The following SLC4A10 variants were observed in gnomAD, a reference collection of about 807,000 sequenced individuals.
SLC4A10 encodes solute carrier family 4 member 10.
SLC4A10 carries 42 observed loss-of-function variants against 137.7 expected under a neutral mutation model. The ratio of observed to expected loss-of-function variants is 0.30; its 90% CI spans 0.24 to 0.39. The LOEUF (loss-of-function observed/expected upper bound fraction) is 0.39, where lower values mean the gene tolerates loss of function less well. Among genes scored for constraint, SLC4A10 ranks in the 10% least tolerant of loss-of-function variants. The pLI, the probability that SLC4A10 is intolerant of heterozygous loss-of-function variation, is 1.00. For missense variants in SLC4A10, 925 were observed against 1,355.0 expected, an observed-to-expected ratio of 0.68 and a Z score of 4.98; for synonymous variants, 474 against 464.1, an observed-to-expected ratio of 1.02 and a Z score of -0.27.
chr2:161,847,286 T>G (rs1013321255), intron 4 of SLC4A10, among the ~76,000 whole-genome samples: 1 of 147,914 alleles, frequency 6.8e-6, no homozygotes, highest in African/African-American at 2.5e-5. Context: ...CACACACACA[T>G]ACACACACAC....
At position 161,624,583 on chromosome 2, in the gene SLC4A10, T is replaced by G; in HGVS notation, c.48+17T>G. 1.3e-6 allele frequency: 2 copies of G among 1,552,138 alleles called. No individual in the cohort carries two copies. Among genetic ancestry groups the G allele is most frequent in the Non-Finnish European group, 1.7e-6 (2 of 1,147,234 alleles). On this transcript the variant is annotated intron_variant, in intron 1 of 26. Coordinates refer to ENST00000446997, the MANE Select transcript of SLC4A10 (RefSeq NM_001178015.2). ...CTGCCTACGGTAAGAGACAACCTGCTATCACATAGATTAACCGCGTTTGCT... is the reference window on the plus strand; with the variant it reads ...CTGCCTACGGTAAGAGACAACCTGCGATCACATAGATTAACCGCGTTTGCT...
At chr2:161,741,840 C>G (rs951635972) in intron 1 of SLC4A10, among the ~76,000 whole-genome samples, 3 of 152,172 alleles carry the variant, frequency 2.0e-5, no homozygotes, top group Non-Finnish European at 2.9e-5. Flanking sequence ...ATTGTACTCT[C>G]TCATTATTCT....
intron 1 of SLC4A10, among the ~76,000 whole-genome samples, chr2:161,752,209 T>G (rs2049057821): frequency 6.6e-6 from 1 of 152,000 alleles, no homozygotes; most frequent in African/African-American, 2.4e-5. Flanking sequence ...TACATGTACC[T>G]TCCATAATTT....
At chr2:161,817,392 A>G (rs970613883) in intron 3 of SLC4A10, among the ~76,000 whole-genome samples, 1 of 152,092 alleles carries the variant, frequency 6.6e-6, no homozygotes, top group African/African-American at 2.4e-5. Context: ...TCTTTGTCAG[A>G]TGAGTAGGTT....
At chr2:161,637,083 A>T (rs2034527457) in intron 1 of SLC4A10, among the ~76,000 whole-genome samples, 1 of 125,156 alleles carries the variant, frequency 8.0e-6, no homozygotes, top group East Asian at 2.6e-4. Context: ...ATAAATACGT[A>T]TATACATATA....
chr2:161,704,254 T>C (rs1574460393), intron 1 of SLC4A10, among the ~76,000 whole-genome samples: 1 of 151,686 alleles, frequency 6.6e-6, no homozygotes, highest in East Asian at 1.9e-4. Context: ...TCAAAAACGG[T>C]CTGTACTAGC....
intron 1 of SLC4A10, among the ~76,000 whole-genome samples, chr2:161,736,240 G>A (rs1205129810): frequency 6.6e-6 from 1 of 152,014 alleles, no homozygotes; most frequent in Non-Finnish European, 1.5e-5. Flanking sequence ...CATGAAACAA[G>A]ATAAAAAATC....
intron 4 of SLC4A10, among the ~76,000 whole-genome samples, chr2:161,850,872 A>G (rs892804297): frequency 1.3e-5 from 2 of 151,966 alleles, no homozygotes; most frequent in Non-Finnish European, 2.9e-5. Flanking sequence ...TCCTCTCAAC[A>G]CTGCTTTTGC....
At chr2:161,914,479 C>A (rs1220265695) in intron 15 of SLC4A10, among the ~76,000 whole-genome samples, 1 of 152,120 alleles carries the variant, frequency 6.6e-6, no homozygotes, top group African/African-American at 2.4e-5. Flanking sequence ...ACAGGCCAGT[C>A]CTTCTGCTTC....
At chr2:161,713,363 A>C (rs1284212875) in intron 1 of SLC4A10, among the ~76,000 whole-genome samples, 1 of 151,886 alleles carries the variant, frequency 6.6e-6, no homozygotes, top group Non-Finnish European at 1.5e-5. Flanking sequence ...TTTGAGAATG[A>C]AAATTAAATT....
At chr2:161,855,201 T>C in intron 5 of SLC4A10, 71 bp downstream of exon 5, 1 of 1,418,868 alleles carries the variant, frequency 7.0e-7, no homozygotes, top group South Asian at 1.5e-5. Flanking sequence ...TCCTTATAAT[T>C]CAATATACGT....
chr2:161,909,199 T>C (rs941905491), intron 15 of SLC4A10, among the ~76,000 whole-genome samples: 1 of 151,870 alleles, frequency 6.6e-6, no homozygotes, highest in African/African-American at 2.4e-5. Flanking sequence ...AACCTGCACA[T>C]TGTGTACATG....
intron 8 of SLC4A10, among the ~76,000 whole-genome samples, chr2:161,875,129 T>A (rs746209441): frequency 6.6e-6 from 1 of 152,142 alleles, no homozygotes; most frequent in Non-Finnish European, 1.5e-5. Flanking sequence ...AAAGACTAAG[T>A]AAGATTTTTT....
chr2:161,901,111 T>G (rs1391632317), intron 12 of SLC4A10, 100 bp downstream of exon 12: 2 of 844,410 alleles, frequency 2.4e-6, no homozygotes, highest in Admixed American at 4.2e-5. Context: ...TTGTATACTT[T>G]TAATACCTGC....
intron 20 of SLC4A10, 38 bp from the exon 21 acceptor site, chr2:161,958,449 A>T: frequency 6.4e-7 from 1 of 1,560,410 alleles, no homozygotes; most frequent in South Asian, 1.1e-5. Flanking sequence ...ATCTATTTGA[A>T]AATGATTTCT....
chr2:161,811,764 G>C (rs774353446), intron 3 of SLC4A10, among the ~76,000 whole-genome samples: 2 of 151,626 alleles, frequency 1.3e-5, no homozygotes, highest in Non-Finnish European at 2.9e-5. Context: ...CCTATTAAAC[G>C]GTTAAAACTG....
intron 1 of SLC4A10, among the ~76,000 whole-genome samples, chr2:161,718,085 T>C (rs2045155284): frequency 6.6e-6 from 1 of 152,220 alleles, no homozygotes; most frequent in African/African-American, 2.4e-5. Flanking sequence ...TTTTCTAGTT[T>C]GTTTGCATAG....
At position 161,873,973 on chromosome 2, in the gene SLC4A10, GA is replaced by G. The variant is rs2061308491; in HGVS notation, c.921del (p.Gly308AspfsTer15). The G allele has an allele frequency of 6.3e-7, 1 of 1,594,150 alleles. No homozygotes were observed. ...TCCATGTGGGATGAAACAAAGGCAT[GA>G]AAAAGGACCTCCACACCAGCAAGAG... Reference protein sequence around the residue: ...TSPCGMKQRHEKGPPHQQERE... With the variant: ...TSPCGMKQRHXKGPPHQQERE... On this transcript the variant is annotated frameshift_variant, in exon 8 of 27. Coordinates refer to ENST00000446997, the MANE Select transcript of SLC4A10 (RefSeq NM_001178015.2). LOFTEE classifies it high-confidence loss of function.
At chr2:161,978,461 A>G (rs1699756158) in intron 26 of SLC4A10, among the ~76,000 whole-genome samples, 1 of 152,024 alleles carries the variant, frequency 6.6e-6, no homozygotes, top group Non-Finnish European at 1.5e-5. Flanking sequence ...AGCCTCCATT[A>G]TGTACCACCA....
Sources: gnomAD v4.1 joint callset for allele counts (sites outside exome capture counted in the v4.1 genomes callset) on GRCh38, gnomAD v4.1.1 for gene constraint, MANE v1.5 for transcripts, NCBI Gene and HGNC (gene_info 2026-07-23, HGNC 2026-07-21) for gene names.